NRXN1: variants seen among roughly 807,000 people sequenced by gnomAD.
NRXN1 encodes the protein neurexin-1.
In NRXN1, 39 loss-of-function variants were observed where a neutral mutation model predicts 150.9. The ratio of observed to expected loss-of-function variants is 0.26; its 90% CI spans 0.20 to 0.34. NRXN1 has a LOEUF of 0.34. Ranked by LOEUF, NRXN1 falls within the 10% of genes least tolerant of loss-of-function variation. The probability of loss-of-function intolerance (pLI) is 1.00; values close to 1 mark genes in which losing one functional copy is unlikely to be tolerated. For missense variants in NRXN1, 1,815 were observed against 1,949.9 expected (o/e 0.93, Z 1.30); for synonymous variants, 924 against 757.0 (o/e 1.22, Z -3.62).
At chr2:50,017,562 G>A (rs1300027071) in intron 21 of NRXN1, among the ~76,000 whole-genome samples, 1 of 151,864 alleles carries the variant, frequency 6.6e-6, no homozygotes. Flanking sequence ...ATCACCCCAG[G>A]GTATCCTCAA....
At chr2:50,491,802 T>G (rs1359633567) in intron 15 of NRXN1, among the ~76,000 whole-genome samples, 1 of 152,106 alleles carries the variant, frequency 6.6e-6, no homozygotes, top group Non-Finnish European at 1.5e-5. Context: ...ACTATATATA[T>G]CCTCAATTTG....
chr2:50,576,348 T>G (rs72884054), intron 8 of NRXN1, among the ~76,000 whole-genome samples: 13,319 of 152,152 alleles, frequency 0.088, 1,097 homozygotes, highest in African/African-American at 0.22. Flanking sequence ...AGATTTTTTT[T>G]GGCATTTTTG....
intron 17 of NRXN1, among the ~76,000 whole-genome samples, chr2:50,399,498 T>C (rs897581245): frequency 2.0e-5 from 3 of 152,020 alleles, no homozygotes; most frequent in Non-Finnish European, 2.9e-5. Flanking sequence ...TTCTGTTCAG[T>C]TCCATGCTTC....
chr2:50,004,673 G>T (rs1045462189), intron 21 of NRXN1, among the ~76,000 whole-genome samples: 1 of 152,066 alleles, frequency 6.6e-6, no homozygotes, highest in African/African-American at 2.4e-5. Context: ...TCAACAACCT[G>T]AAGGTAGGCC....
intron 18 of NRXN1, among the ~76,000 whole-genome samples, chr2:50,102,775 G>A (rs1180030025): frequency 6.6e-6 from 1 of 152,008 alleles, no homozygotes; most frequent in East Asian, 1.9e-4. Context: ...ATAGCCCAGG[G>A]AGGGATTGTA....
At chr2:50,203,746 A>G (rs1559085047) in intron 18 of NRXN1, among the ~76,000 whole-genome samples, 1 of 152,158 alleles carries the variant, frequency 6.6e-6, no homozygotes, top group Non-Finnish European at 1.5e-5. Flanking sequence ...TACATGCATT[A>G]TATTTTCGAA....
chr2:50,146,333 T>C (rs1270049057), intron 18 of NRXN1, among the ~76,000 whole-genome samples: 1 of 151,694 alleles, frequency 6.6e-6, no homozygotes, highest in Non-Finnish European at 1.5e-5. Flanking sequence ...ACTGGGTATA[T>C]ACCCAAAGGA....
chr2:50,372,672 C>T (rs1477744902), intron 17 of NRXN1, among the ~76,000 whole-genome samples: 2 of 152,058 alleles, frequency 1.3e-5, no homozygotes, highest in Admixed American at 1.3e-4. Context: ...TACTTGATTA[C>T]AAAGTTCCAA....
intron 8 of NRXN1, among the ~76,000 whole-genome samples, chr2:50,596,810 C>T (rs1197138776): frequency 1.4e-5 from 2 of 146,728 alleles, no homozygotes; most frequent in Non-Finnish European, 3.0e-5. Flanking sequence ...AAAATAAAAT[C>T]TATTTGGATT....
rs557668362 is a variant in NRXN1 at position 49,978,817 on chromosome 2, T to C, written c.4129-35026A>G. Among the ~76,000 whole-genome samples the C allele has an allele frequency of 7.9e-5, 12 of 152,158 alleles. No homozygotes were observed. The East Asian group carries it at 2.3e-3, about 29-fold the overall frequency. ...CACAATTCTCTTAAAACTAGATAGA[T>C]TTTTACAAATTGAATAGTCCAACTC... is the stretch of plus-strand genomic sequence containing the variant. On this transcript the variant is annotated intron_variant, in intron 21 of 22. Transcript: ENST00000401669.
chr2:51,025,696 T>C (rs1670333708), intron 2 of NRXN1, among the ~76,000 whole-genome samples: 1 of 152,184 alleles, frequency 6.6e-6, no homozygotes, highest in African/African-American at 2.4e-5. Flanking sequence ...CAACTTCAAA[T>C]TACAGTATGG....
At chr2:50,035,975 T>A (rs527378139) in intron 21 of NRXN1, among the ~76,000 whole-genome samples, 2 of 152,270 alleles carry the variant, frequency 1.3e-5, no homozygotes, top group East Asian at 3.9e-4. Flanking sequence ...ACAAATTAGC[T>A]GCCCTGAAAT....
chr2:50,907,177 C>A (rs1369108933), intron 5 of NRXN1, among the ~76,000 whole-genome samples: 12 of 149,492 alleles, frequency 8.0e-5, no homozygotes, highest in East Asian at 3.9e-4. Flanking sequence ...CTGAAAAAAA[C>A]CAAAAAACCA....
rs894998402 is a variant in NRXN1 at position 50,681,555 on chromosome 2, A to AT, written c.833-57941dup. Among the ~76,000 whole-genome samples the AT allele has an allele frequency of 7.8e-4, 118 of 152,140 alleles. 1 individual carries two copies. Among genetic ancestry groups the AT allele is most frequent in the African/African-American group, 2.7e-3 (112 of 41,438 alleles). On this transcript the variant is annotated intron_variant, in intron 5 of 22. Coordinates refer to ENST00000401669, the MANE Select transcript of NRXN1 (RefSeq NM_001330078.2). ...CCATATAAAAGGGCTTGTAATTAGT[A>AT]TTTTAGTAAATACTAATGAGAATGC... is the stretch of plus-strand genomic sequence containing the variant.
chr2:50,847,697 C>G (rs942576717), intron 5 of NRXN1, among the ~76,000 whole-genome samples: 1 of 152,154 alleles, frequency 6.6e-6, no homozygotes, highest in African/African-American at 2.4e-5. Context: ...AGCTGCTGGA[C>G]GGCGAGAGAA....
intron 15 of NRXN1, among the ~76,000 whole-genome samples, chr2:50,492,718 C>T (rs767105978): frequency 7.9e-5 from 12 of 152,112 alleles, no homozygotes; most frequent in Non-Finnish European, 1.8e-4. Context: ...AAAAATTCTC[C>T]TAATAATCCT....
chr2:50,579,751 T>C lies in NRXN1; in HGVS notation c.1321-26726A>G, dbSNP rs145139603. On this transcript the variant is annotated intron_variant, in intron 8 of 22. Coordinates refer to ENST00000401669, the MANE Select transcript of NRXN1 (RefSeq NM_001330078.2). ...CAGCAAGATTCACAAGGTTGCATTA[T>C]TGTCATCCAGCTTTTTCATAAATAT... 6.7e-3 allele frequency among the ~76,000 whole-genome samples: 1,023 copies of C among 152,270 alleles called. 13 individuals are homozygous for C. The highest frequency in any genetic ancestry group is 0.023 in the African/African-American group (970 of 41,554).
intron 19 of NRXN1, among the ~76,000 whole-genome samples, chr2:50,069,018 G>A (rs1695796456): frequency 6.6e-6 from 1 of 152,158 alleles, no homozygotes; most frequent in Non-Finnish European, 1.5e-5. Context: ...TTAGCTGGAA[G>A]AAACCACACA....
At chr2:50,338,529 T>C (rs1298412720) in intron 17 of NRXN1, among the ~76,000 whole-genome samples, 1 of 152,164 alleles carries the variant, frequency 6.6e-6, no homozygotes, top group Non-Finnish European at 1.5e-5. Flanking sequence ...TACTAGATTG[T>C]AATATATTTT....
Sources: gnomAD v4.1 joint callset for allele counts (sites outside exome capture counted in the v4.1 genomes callset) on GRCh38, gnomAD v4.1.1 for gene constraint, MANE v1.5 for transcripts, NCBI Gene and HGNC (gene_info 2026-07-23, HGNC 2026-07-21) for gene names.